Variants in RB1 observed in about 807,000 individuals in gnomAD.
RB1 encodes retinoblastoma-associated protein.
RB1 carries 18 observed loss-of-function variants against 135.4 expected under a neutral mutation model. That is an observed-to-expected ratio of 0.13 (90% CI 0.09 to 0.20). The LOEUF is 0.20. Ranked by LOEUF, RB1 falls within the 10% of genes least tolerant of loss-of-function variation. The pLI, the probability that RB1 is intolerant of heterozygous loss-of-function variation, is 1.00. For missense variants in RB1, 868 were observed against 1,110.0 expected (o/e 0.78, Z 3.10); for synonymous variants, 365 against 373.2 (o/e 0.98, Z 0.25).
At chr13:48,422,953 C>A (rs1593501699) in intron 17 of RB1, among the ~76,000 whole-genome samples, 1 of 152,046 alleles carries the variant, frequency 6.6e-6, no homozygotes, top group East Asian at 1.9e-4. Flanking sequence ...CCAGCCTAGG[C>A]AACATAGTGA....
chr13:48,446,281 T>A (rs959004537), intron 17 of RB1, among the ~76,000 whole-genome samples: 1 of 152,066 alleles, frequency 6.6e-6, no homozygotes, highest in Non-Finnish European at 1.5e-5. Context: ...TATTCTCACT[T>A]TGAGGTGGAG....
At chr13:48,425,547 A>T (rs1949067688) in intron 17 of RB1, among the ~76,000 whole-genome samples, 1 of 152,210 alleles carries the variant, frequency 6.6e-6, no homozygotes. Flanking sequence ...CTAGGTGTTA[A>T]GTGACTTGGA....
At chr13:48,374,957 A>T (rs911089180) in intron 12 of RB1, among the ~76,000 whole-genome samples, 1 of 152,138 alleles carries the variant, frequency 6.6e-6, no homozygotes, top group Non-Finnish European at 1.5e-5. Context: ...TAGTGAGAAC[A>T]TGCAGTATTT....
intron 2 of RB1, among the ~76,000 whole-genome samples, chr13:48,332,364 T>TAG (rs1004229232): frequency 6.6e-6 from 1 of 152,154 alleles, no homozygotes; most frequent in East Asian, 1.9e-4. Flanking sequence ...AGGCCAGAGT[T>TAG]AGAGACCAAC....
At chr13:48,463,527 G>A (rs886742662) in intron 20 of RB1, among the ~76,000 whole-genome samples, 1 of 152,170 alleles carries the variant, frequency 6.6e-6, no homozygotes, top group African/African-American at 2.4e-5. Flanking sequence ...GAATAATTGA[G>A]CCTTGGTGAT....
chr13:48,346,222 A>T (rs1952495798), intron 4 of RB1, among the ~76,000 whole-genome samples: 1 of 151,642 alleles, frequency 6.6e-6, no homozygotes, highest in Non-Finnish European at 1.5e-5. Context: ...ACAAACATGA[A>T]CTAATTATAG....
chr13:48,329,959 G>A (rs1421627380), intron 2 of RB1, among the ~76,000 whole-genome samples: 1 of 152,008 alleles, frequency 6.6e-6, no homozygotes, highest in African/African-American at 2.4e-5. Context: ...TATTTAAGAA[G>A]ATTGAGATAA....
At chr13:48,352,261 A>G (rs947267485) in intron 6 of RB1, among the ~76,000 whole-genome samples, 1 of 152,038 alleles carries the variant, frequency 6.6e-6, no homozygotes, top group Non-Finnish European at 1.5e-5. Context: ...GTAGCCCTGT[A>G]GTATAGTCTG....
In RB1 at chr13:48,407,682, G is replaced by C. The variant is rs570649277; in HGVS notation, c.1695+26239G>C. ...TCTACATTCTTAAGTTTGTTCATTAGTCCTTTTTAATTTGTAATTTATTTC... is the reference window on the plus strand; with the variant it reads ...TCTACATTCTTAAGTTTGTTCATTACTCCTTTTTAATTTGTAATTTATTTC... On this transcript the variant is annotated intron_variant, in intron 17 of 26. Coordinates refer to ENST00000267163, the MANE Select transcript of RB1 (RefSeq NM_000321.3). Among the ~76,000 whole-genome samples, 19 of 152,250 alleles carry C rather than the reference G, an allele frequency of 1.2e-4. No individual in the cohort carries two copies. In the East Asian group the frequency reaches 3.7e-3, roughly 29 times the overall value.
At chr13:48,459,416 G>GTTC (rs1370050490) in intron 19 of RB1, among the ~76,000 whole-genome samples, 3 of 152,146 alleles carry the variant, frequency 2.0e-5, no homozygotes, top group Non-Finnish European at 4.4e-5. Context: ...GAGGTTCCTG[G>GTTC]AGAATAGCAT....
intron 17 of RB1, among the ~76,000 whole-genome samples, chr13:48,405,161 G>T (rs1254926568): frequency 6.6e-6 from 1 of 152,116 alleles, no homozygotes; most frequent in Admixed American, 6.6e-5. Flanking sequence ...ATCCTACGAT[G>T]CAACAAGCCC....
At chr13:48,328,459 TC>T (rs1278427412) in intron 2 of RB1, 1 of 967,988 alleles carries the variant, frequency 1.0e-6, no homozygotes, top group African/African-American at 1.6e-5. Flanking sequence ...CTTCAGCTGA[TC>T]GCTTCTCAGC....
intron 17 of RB1, chr13:48,408,598 GAA>G (rs1948760300): frequency 1.3e-5 from 2 of 152,022 alleles, no homozygotes; most frequent in Admixed American, 1.3e-4. Context: ...GAAGGGAAGA[GAA>G]AACCCTCAGA....
At chr13:48,344,934 G>T (rs1393989429) in intron 3 of RB1, 146 bp from the exon 4 acceptor site, 3 of 961,104 alleles carry the variant, frequency 3.1e-6, no homozygotes, top group East Asian at 2.7e-5. Flanking sequence ...AATTATTTTT[G>T]CAAAAAGTAA....
chr13:48,435,926 T>G (rs1427579774), intron 17 of RB1, among the ~76,000 whole-genome samples: 1 of 152,204 alleles, frequency 6.6e-6, no homozygotes, highest in East Asian at 1.9e-4. Context: ...GCATTAAATG[T>G]CAGTGCTCTA....
intron 2 of RB1, among the ~76,000 whole-genome samples, chr13:48,321,990 T>C (rs1952246527): frequency 6.6e-6 from 1 of 152,236 alleles, no homozygotes; most frequent in South Asian, 2.1e-4. Flanking sequence ...TTTGTAAATA[T>C]TTTCTCCCAT....
At chr13:48,443,993 G>A (rs1476089935) in intron 17 of RB1, among the ~76,000 whole-genome samples, 1 of 151,952 alleles carries the variant, frequency 6.6e-6, no homozygotes, top group East Asian at 1.9e-4. Context: ...AAATGTGTGG[G>A]TTTTTTTCCC....
intron 17 of RB1, chr13:48,411,266 A>T (rs1948794295): frequency 1.2e-6 from 1 of 810,068 alleles, no homozygotes; most frequent in Non-Finnish European, 2.1e-6. Flanking sequence ...TTTATACTAA[A>T]GACTTTAAAA....
rs576194636 is a variant in RB1 at position 48,336,789 on chromosome 13, G to A, written c.265-5810G>A. Among the ~76,000 whole-genome samples the A allele has an allele frequency of 5.3e-5, 8 of 151,838 alleles. No homozygotes were observed. In the East Asian group the frequency reaches 1.4e-3, roughly 26 times the overall value. On this transcript the variant is annotated intron_variant, in intron 2 of 26. Transcript: ENST00000267163. ...TTGTGATGTTAGGGTGTCAATTTTG[G>A]ATGTTTCCTGCTTTCTCTTGTGGGC...
Sources: gnomAD v4.1 joint callset for allele counts (sites outside exome capture counted in the v4.1 genomes callset) on GRCh38, gnomAD v4.1.1 for gene constraint, MANE v1.5 for transcripts, NCBI Gene and HGNC (gene_info 2026-07-23, HGNC 2026-07-21) for gene names.